Variants in CMSS1 observed in about 807,000 individuals in gnomAD.
The protein encoded by CMSS1 is protein CMSS1.
Under a neutral mutation model 43.5 loss-of-function variants are expected in CMSS1, and 33 were observed. The observed-to-expected ratio is 0.76, with a 90% CI of 0.57 to 1.01. The LOEUF (loss-of-function observed/expected upper bound fraction) is 1.01. Ranked by LOEUF, CMSS1 falls within the 50% of genes least tolerant of loss-of-function variation. CMSS1 has a pLI of 0.00. For missense variants in CMSS1, 313 were observed against 326.4 expected, an observed-to-expected ratio of 0.96 and a Z score of 0.32; for synonymous variants, 115 against 117.2, an observed-to-expected ratio of 0.98 and a Z score of 0.12.
At chr3:100,147,813 A>G (rs1364539588) in intron 2 of CMSS1, among the ~76,000 whole-genome samples, 1 of 152,180 alleles carries the variant, frequency 6.6e-6, no homozygotes, top group African/African-American at 2.4e-5. Flanking sequence ...ATGCATTCTT[A>G]ACAGGTGATT....
chr3:99,906,109 G>T (rs551736775), intron 1 of CMSS1, among the ~76,000 whole-genome samples: 1 of 152,164 alleles, frequency 6.6e-6, no homozygotes, highest in African/African-American at 2.4e-5. Flanking sequence ...TGGGAGGATC[G>T]CTTGAGCCCA....
At chr3:99,913,896 G>C (rs1706872039) in intron 1 of CMSS1, among the ~76,000 whole-genome samples, 1 of 152,158 alleles carries the variant, frequency 6.6e-6, no homozygotes, top group South Asian at 2.1e-4. Flanking sequence ...AGTTTGTCAG[G>C]CATCTCGGAT....
At chr3:100,031,641 T>G (rs1055913784) in intron 1 of CMSS1, among the ~76,000 whole-genome samples, 3 of 152,026 alleles carry the variant, frequency 2.0e-5, no homozygotes, top group African/African-American at 7.2e-5. Context: ...AACTAACGCA[T>G]TCTCTCCCCT....
intron 8 of CMSS1, among the ~76,000 whole-genome samples, chr3:100,174,345 G>T (rs907585611): frequency 1.3e-5 from 2 of 151,834 alleles, no homozygotes; most frequent in Non-Finnish European, 1.5e-5. Context: ...ATTTTTTTGT[G>T]TGTCACCAGA....
At chr3:99,942,193 C>A (rs1707871296) in intron 1 of CMSS1, among the ~76,000 whole-genome samples, 1 of 150,224 alleles carries the variant, frequency 6.7e-6, no homozygotes, top group Non-Finnish European at 1.5e-5. Flanking sequence ...GAGACCAAGA[C>A]TCCATCTCAA....
At chr3:100,145,078 T>A (rs2066837061) in intron 1 of CMSS1, among the ~76,000 whole-genome samples, 1 of 152,216 alleles carries the variant, frequency 6.6e-6, no homozygotes. Flanking sequence ...TTGAAGGCCC[T>A]GTTAATCTGC....
chr3:99,851,006 T>G, intron 1 of CMSS1: 1 of 1,612,170 alleles, frequency 6.2e-7, no homozygotes, highest in Non-Finnish European at 8.5e-7. Flanking sequence ...GTGGTGACCC[T>G]TTTCTCCTTT....
chr3:100,171,282 T>C (rs1265845287), intron 6 of CMSS1, among the ~76,000 whole-genome samples: 1 of 151,938 alleles, frequency 6.6e-6, no homozygotes, highest in Non-Finnish European at 1.5e-5. Flanking sequence ...TAAAATTTTA[T>C]AGAGGAATTT....
At chr3:100,008,738 G>A (rs1710059871) in intron 1 of CMSS1, among the ~76,000 whole-genome samples, 1 of 152,138 alleles carries the variant, frequency 6.6e-6, no homozygotes, top group Non-Finnish European at 1.5e-5. Context: ...TTCTCTTACT[G>A]TTATAAACTC....
At chr3:100,012,681 A>C (rs923363514) in intron 1 of CMSS1, among the ~76,000 whole-genome samples, 6 of 152,028 alleles carry the variant, frequency 3.9e-5, no homozygotes, top group Admixed American at 3.9e-4. Context: ...TGGTTGCCCC[A>C]ATTATAAAAT....
At chr3:100,009,212 A>G (rs888568567) in intron 1 of CMSS1, among the ~76,000 whole-genome samples, 4 of 152,204 alleles carry the variant, frequency 2.6e-5, no homozygotes, top group African/African-American at 9.6e-5. Flanking sequence ...TGTTTGAAGA[A>G]ATTCTTGGAT....
chr3:100,022,598 GA>G (rs1161781895), intron 1 of CMSS1, among the ~76,000 whole-genome samples: 2 of 152,292 alleles, frequency 1.3e-5, no homozygotes, highest in Non-Finnish European at 2.9e-5. Context: ...TACATTCATG[GA>G]ATGGACATAG....
intron 1 of CMSS1, among the ~76,000 whole-genome samples, chr3:99,926,589 A>G (rs764817523): frequency 1.3e-4 from 20 of 152,246 alleles, no homozygotes; most frequent in Non-Finnish European, 1.5e-4. Flanking sequence ...AATACATTCA[A>G]TTTAATTTGT....
intron 1 of CMSS1, among the ~76,000 whole-genome samples, chr3:100,102,077 A>C (rs866544537): frequency 6.6e-6 from 1 of 152,216 alleles, no homozygotes; most frequent in South Asian, 2.1e-4. Flanking sequence ...GCCACAATAA[A>C]CATACGTGTG....
chr3:100,061,227 A>C (rs2065560354), intron 1 of CMSS1, among the ~76,000 whole-genome samples: 1 of 152,222 alleles, frequency 6.6e-6, no homozygotes, highest in Non-Finnish European at 1.5e-5. Flanking sequence ...TAAAATACCA[A>C]AAACAAGTGA....
At chr3:99,931,034 G>A (rs752728827) in intron 1 of CMSS1, 3 of 1,608,320 alleles carry the variant, frequency 1.9e-6, no homozygotes, top group Non-Finnish European at 2.5e-6. Context: ...TTAAAGCCTG[G>A]AAGGAGGGAA....
intron 1 of CMSS1, among the ~76,000 whole-genome samples, chr3:100,138,091 A>G (rs1423731952): frequency 6.6e-6 from 1 of 152,236 alleles, no homozygotes; most frequent in African/African-American, 2.4e-5. Context: ...AGCAATGGGG[A>G]AATGATCTCC....
At chr3:100,117,245 T>C (rs2066578143) in intron 1 of CMSS1, among the ~76,000 whole-genome samples, 1 of 152,162 alleles carries the variant, frequency 6.6e-6, no homozygotes, top group African/African-American at 2.4e-5. Flanking sequence ...ATTGAGCACT[T>C]TATTTATGTT....
chr3:99,876,116 G>T, intron 1 of CMSS1: 1 of 986,402 alleles, frequency 1.0e-6, no homozygotes, highest in Non-Finnish European at 1.2e-6. Context: ...GGCCGGGGCC[G>T]CTGTAGTGCC....
Sources: allele counts gnomAD v4.1 joint callset (sites outside exome capture counted in the v4.1 genomes callset), GRCh38; gene constraint gnomAD v4.1.1; transcripts MANE v1.5; gene names NCBI Gene and HGNC (gene_info 2026-07-23, HGNC 2026-07-21).